The following RXRG variants were observed in gnomAD, a reference collection of about 807,000 sequenced individuals.
RXRG encodes the protein retinoic acid receptor RXR-gamma.
Under a neutral mutation model 49.2 loss-of-function variants are expected in RXRG, and 19 were observed. That is an observed-to-expected ratio of 0.39 (90% CI 0.27 to 0.57). The LOEUF is 0.57. Ranked by LOEUF, RXRG falls within the 20% of genes least tolerant of loss-of-function variation. The pLI is 0.64. For missense variants in RXRG, 452 were observed against 592.5 expected (o/e 0.76, Z 2.46); for synonymous variants, 224 against 216.6 (o/e 1.03, Z -0.30).
At chr1:165,427,233 G>A (rs1233706494) in intron 2 of RXRG, among the ~76,000 whole-genome samples, 1 of 152,184 alleles carries the variant, frequency 6.6e-6, no homozygotes, top group East Asian at 1.9e-4. Flanking sequence ...GGGCAGCAGG[G>A]ACTCTGGCTG....
intron 1 of RXRG, among the ~76,000 whole-genome samples, chr1:165,439,457 G>A (rs909034873): frequency 1.4e-4 from 21 of 152,336 alleles, no homozygotes; most frequent in African/African-American, 4.8e-4. Flanking sequence ...TGCCCTGTGC[G>A]GCTTCGAAAG....
chr1:165,406,448 C>T (rs1657753163), intron 9 of RXRG, among the ~76,000 whole-genome samples: 1 of 152,244 alleles, frequency 6.6e-6, no homozygotes, highest in Non-Finnish European at 1.5e-5. Context: ...ATCTCACCTC[C>T]ACCGCGTGCT....
At chr1:165,429,934 G>C (rs889140102) in intron 1 of RXRG, among the ~76,000 whole-genome samples, 1 of 152,174 alleles carries the variant, frequency 6.6e-6, no homozygotes, top group Non-Finnish European at 1.5e-5. Flanking sequence ...CTCTCCAGAA[G>C]AGAGGAGCTA....
intron 1 of RXRG, among the ~76,000 whole-genome samples, chr1:165,429,186 G>T (rs939548409): frequency 6.6e-6 from 1 of 152,162 alleles, no homozygotes; most frequent in African/African-American, 2.4e-5. Flanking sequence ...ACAGAAATAA[G>T]CATGGATGTT....
chr1:165,408,257 A>T lies in RXRG; in HGVS notation c.1108T>A (p.Cys370Ser). 6.2e-7 allele frequency: 1 copy of T among 1,614,122 alleles called. No individual in the cohort carries two copies. Reference sequence around the variant, plus strand: ...TTAAAGAGTACAATGGCTCGCAGGCATCCCAGTTCCGACTTGTCCATCTGC... The same window carrying T: ...TTAAAGAGTACAATGGCTCGCAGGCTTCCCAGTTCCGACTTGTCCATCTGC... ...DMQMDKSELG[C>S]LRAIVLFNPD... is the part of the protein sequence containing the mutation. The change falls in exon 8 of 10, where the codon TGC (cysteine) becomes AGC (serine). Residue 370 changes from cysteine to serine, a missense_variant. By Grantham distance (112) the Cys-to-Ser change is moderately radical (BLOSUM62 -1). Around this residue, in one of 2 missense-constraint regions of RXRG, gnomAD observed 286 missense variants for 440.9 expected, o/e 0.65. Coordinates refer to ENST00000359842, the MANE Select transcript of RXRG (RefSeq NM_006917.5).
intron 1 of RXRG, among the ~76,000 whole-genome samples, chr1:165,438,989 A>G (rs1658900113): frequency 6.6e-6 from 1 of 152,188 alleles, no homozygotes; most frequent in Non-Finnish European, 1.5e-5. Flanking sequence ...TTACAAAAGA[A>G]TCTTTTAAAG....
intron 4 of RXRG, among the ~76,000 whole-genome samples, chr1:165,414,524 C>T (rs157864): frequency 0.15 from 22,586 of 152,224 alleles, 1,733 homozygotes; most frequent in South Asian, 0.23. Context: ...AGACCATTCA[C>T]TTTCCTTTAA....
At chr1:165,413,429 C>T (rs1363472919) in intron 4 of RXRG, among the ~76,000 whole-genome samples, 1 of 152,152 alleles carries the variant, frequency 6.6e-6, no homozygotes, top group Non-Finnish European at 1.5e-5. Flanking sequence ...CACAATAATG[C>T]TCTGACATAC....
intron 7 of RXRG, among the ~76,000 whole-genome samples, chr1:165,409,338 T>C (rs1657860068): frequency 6.6e-6 from 1 of 152,194 alleles, no homozygotes; most frequent in Non-Finnish European, 1.5e-5. Context: ...ATCTTTCTTT[T>C]AATCTCTCCC....
chr1:165,429,514 G>C (rs557657755), intron 1 of RXRG, among the ~76,000 whole-genome samples: 42 of 152,206 alleles, frequency 2.8e-4, no homozygotes, highest in Non-Finnish European at 5.3e-4. Context: ...GACATCAGGA[G>C]TCACATTCCA....
chr1:165,423,016 G>A (rs896963289), intron 2 of RXRG, among the ~76,000 whole-genome samples: 1 of 152,176 alleles, frequency 6.6e-6, no homozygotes, highest in African/African-American at 2.4e-5. Flanking sequence ...CTTGCTTTGG[G>A]GCACTTTCTC....
At position 165,417,209 on chromosome 1, in the gene RXRG, C is replaced by G; in HGVS notation, c.454G>C (p.Gly152Arg). The G allele has an allele frequency of 6.2e-7, 1 of 1,608,044 alleles. No homozygotes were observed. Among genetic ancestry groups the G allele is most frequent in the Non-Finnish European group, 8.5e-7 (1 of 1,176,466 alleles). The part of the protein sequence containing the change: ...CGDRSSGKHY[G>R]VYSCEGCKGF... The stretch of plus-strand genomic sequence containing the variant: ...TTGCAGCCTTCACAACTGTATACCC[C>G]GTAGTGCTTTCCTGGTTAGAAGAAA... The change falls in exon 4 of 10, where the codon GGG becomes CGG. Residue 152 changes from glycine to arginine, a missense_variant. By Grantham distance (125) the Gly-to-Arg change is moderately radical. This residue lies in a region of RXRG where 286 missense variants were observed against 440.9 expected (regional missense o/e 0.65). Coordinates refer to ENST00000359842, the MANE Select transcript of RXRG (RefSeq NM_006917.5).
rs1557910912 is a variant in RXRG at position 165,409,485 on chromosome 1, A to ATG, written c.1046+71_1046+72dup. 9.1e-6 allele frequency: 11 copies of ATG among 1,208,590 alleles called. No homozygotes were observed. In the East Asian group the frequency reaches 9.9e-5, roughly 11 times the overall value. The allele number at this position is 1,208,590 out of a possible 1,614,324, so 74.9% of individuals were successfully genotyped here. A position where few individuals can be genotyped will look rare whatever the true frequency, so the allele number is the denominator to read the frequency against. On this transcript the variant is annotated intron_variant, in intron 7 of 9. Coordinates refer to ENST00000359842, the MANE Select transcript of RXRG (RefSeq NM_006917.5). ...CACGTGAGAATTCATGTATGTACACATGTGTATACACACACACACACACAC... is the reference window on the plus strand; with the variant it reads ...CACGTGAGAATTCATGTATGTACACATGTGTGTATACACACACACACACACAC...
chr1:165,418,696 G>A (rs1008680881), intron 3 of RXRG, among the ~76,000 whole-genome samples: 1 of 152,156 alleles, frequency 6.6e-6, no homozygotes, highest in Non-Finnish European at 1.5e-5. Context: ...TGAAATATTT[G>A]TCTTAGAGAA....
chr1:165,425,077 G>T, intron 2 of RXRG: 1 of 333,910 alleles, frequency 3.0e-6, no homozygotes, highest in Non-Finnish European at 4.3e-6. Flanking sequence ...CAGGACCAAA[G>T]CTTCCATCTG....
intron 1 of RXRG, among the ~76,000 whole-genome samples, chr1:165,438,754 A>C (rs975833028): frequency 6.6e-6 from 1 of 152,200 alleles, no homozygotes. Context: ...CTAAACAAAA[A>C]CAACCAACAT....
intron 2 of RXRG, 48 bp downstream of exon 2, chr1:165,428,671 A>T (rs1214919288): frequency 6.5e-7 from 1 of 1,542,170 alleles, no homozygotes; most frequent in Non-Finnish European, 8.8e-7. Context: ...AGCCTGGGTG[A>T]AACCATGTAA....
intron 4 of RXRG, among the ~76,000 whole-genome samples, chr1:165,412,379 G>T (rs530551801): frequency 6.6e-6 from 1 of 152,280 alleles, no homozygotes; most frequent in South Asian, 2.1e-4. Flanking sequence ...ACAAAACAGG[G>T]TGAGAAAAAG....
chr1:165,435,855 C>G (rs1178873614), intron 1 of RXRG, among the ~76,000 whole-genome samples: 1 of 152,172 alleles, frequency 6.6e-6, no homozygotes, highest in Admixed American at 6.5e-5. Flanking sequence ...CAGGGTCAGA[C>G]AGTAAGCATT....
Sources: gnomAD v4.1 joint callset for allele counts (sites outside exome capture counted in the v4.1 genomes callset) on GRCh38, gnomAD v4.1.1 for gene constraint, gnomAD v4.1.1 regional missense constraint, MANE v1.5 for transcripts, NCBI Gene and HGNC (gene_info 2026-07-23, HGNC 2026-07-21) for gene names.